SIRPB1: variants seen among roughly 807,000 people sequenced by gnomAD.
The protein encoded by SIRPB1 is signal regulatory protein beta 1, also known as signal-regulatory protein beta-1.
A neutral mutation model predicts 34.1 loss-of-function variants in SIRPB1; 28 were observed. The ratio of observed to expected loss-of-function variants is 0.82; its 90% CI spans 0.61 to 1.12. The LOEUF is 1.12. Ranked by LOEUF, SIRPB1 falls within the 50% of genes most tolerant of loss-of-function variation. The pLI is 0.00. For missense variants in SIRPB1, 499 were observed against 507.0 expected, an observed-to-expected ratio of 0.98 and a Z score of 0.15; for synonymous variants, 211 against 203.8, an observed-to-expected ratio of 1.04 and a Z score of -0.30.
At chr20:1,617,240 C>T (rs1469928014) in intron 1 of SIRPB1, among the ~76,000 whole-genome samples, 1 of 152,144 alleles carries the variant, frequency 6.6e-6, no homozygotes, top group Non-Finnish European at 1.5e-5. Context: ...ATCTGTGCTC[C>T]CATGTCCATT....
intron 1 of SIRPB1, among the ~76,000 whole-genome samples, chr20:1,618,176 G>A (rs548650008): frequency 7.9e-5 from 12 of 152,252 alleles, no homozygotes; most frequent in African/African-American, 2.9e-4. Flanking sequence ...GTGGCCCATA[G>A]AAAGCATCCA....
In SIRPB1 at chr20:1,583,930, G is replaced by A. The variant is rs541742227; in HGVS notation, c.77-5236C>T. Among the ~76,000 whole-genome samples, 10 of 47,754 alleles carry A rather than the reference G, an allele frequency of 2.1e-4. 5 individuals are homozygous for A. Among genetic ancestry groups the A allele is most frequent in the Non-Finnish European group, 4.0e-4 (10 of 25,042 alleles). The allele number at this position is 47,754 out of a possible 152,430, so 31.3% of individuals were successfully genotyped here. On this transcript the variant is annotated intron_variant, in intron 1 of 5. Coordinates refer to ENST00000381605, the MANE Select transcript of SIRPB1 (RefSeq NM_006065.5). ...CTGCTGTGTGTTTCCACATGGTCAAGTAAGATTTATCCCAGGAATTCAAGG... is the reference window on the plus strand; with the variant it reads ...CTGCTGTGTGTTTCCACATGGTCAAATAAGATTTATCCCAGGAATTCAAGG...
rs1332063392 is a variant in SIRPB1 at position 1,564,711 on chromosome 20, G to A, written c.*789C>T. On this transcript the variant is annotated 3_prime_UTR_variant, in exon 6 of 6. Coordinates refer to ENST00000381605, the MANE Select transcript of SIRPB1 (RefSeq NM_006065.5). ...ATCTGGTTGTTTAACTGTTGGCAGT[G>A]TGAAATTGGTCAGGTTGGGAGTTAT... 5.1e-6 allele frequency: 2 copies of A among 391,200 alleles called. No homozygotes were observed. The highest frequency in any genetic ancestry group is 4.1e-5 in the African/African-American group (2 of 48,482). The allele number at this position is 391,200 out of a possible 1,614,324, so 24.2% of individuals were successfully genotyped here. A position where few individuals can be genotyped will look rare whatever the true frequency, so the allele number is the denominator to read the frequency against.
chr20:1,577,862 C>T (rs6110507), intron 2 of SIRPB1, among the ~76,000 whole-genome samples: 78,704 of 146,126 alleles, frequency 0.54, 25,248 homozygotes, highest in East Asian at 0.78. Flanking sequence ...GGTGGGGGAG[C>T]GCTTTAGGCT....
chr20:1,571,065 C>T lies in SIRPB1; in HGVS notation c.824G>A (p.Ser275Asn). ...ENQANVTCQV[S>N]NFYPRGLQLT... ...CTGTAGTCCCCGGGGGTAGAAATTGCTCACCTGGCAGGTGACGTTTGCCTG... is the reference window on the plus strand; with the variant it reads ...CTGTAGTCCCCGGGGGTAGAAATTGTTCACCTGGCAGGTGACGTTTGCCTG... The change falls in exon 4 of 6, where the codon AGC (serine) becomes AAC (asparagine). Residue 275 changes from serine (S) to asparagine (N), a missense_variant. Transcript: ENST00000381605. The T allele has an allele frequency of 6.2e-7, 1 of 1,614,138 alleles. No individual in the cohort carries two copies. Among genetic ancestry groups the T allele is most frequent in the Non-Finnish European group, 8.5e-7 (1 of 1,179,984 alleles).
chr20:1,579,292 T>C (rs1168303788), intron 1 of SIRPB1, among the ~76,000 whole-genome samples: 1 of 148,384 alleles, frequency 6.7e-6, no homozygotes, highest in East Asian at 1.9e-4. Context: ...GTTGAGGACC[T>C]GAGTAGAACT....
intron 3 of SIRPB1, 45 bp from the exon 4 acceptor site, chr20:1,571,182 G>A (rs2091230364): frequency 4.5e-6 from 7 of 1,560,452 alleles, no homozygotes; most frequent in Non-Finnish European, 6.1e-6. Context: ...GGCACAGACA[G>A]ATCACAGGGA....
intron 1 of SIRPB1, among the ~76,000 whole-genome samples, chr20:1,615,072 C>G (rs1017213205): frequency 1.3e-5 from 2 of 152,198 alleles, no homozygotes; most frequent in Admixed American, 6.5e-5. Flanking sequence ...CATAATCCAG[C>G]ATCAGTAAGT....
At chr20:1,580,122 C>T (rs1652042059) in intron 1 of SIRPB1, among the ~76,000 whole-genome samples, 2 of 148,180 alleles carry the variant, frequency 1.3e-5, no homozygotes, top group Admixed American at 1.3e-4. Context: ...TGTTTTACAC[C>T]TTCCATGTCT....
rs537651175 is a variant in SIRPB1, at chr20:1,610,300, A to G, written c.76+9569T>C. ...AGGCTCTTCTATGGAGACAGCGTCTAACGCTGGGGAAGGAAGGAGACTGCC... is the reference window on the plus strand; with the variant it reads ...AGGCTCTTCTATGGAGACAGCGTCTGACGCTGGGGAAGGAAGGAGACTGCC... On this transcript the variant is annotated intron_variant, in intron 1 of 5. Transcript: ENST00000381605. Among the ~76,000 whole-genome samples, 124 of 72,660 alleles carry G rather than the reference A, an allele frequency of 1.7e-3. 54 individuals carry two copies. Among genetic ancestry groups the G allele is most frequent in the African/African-American group, 0.011 (122 of 11,522 alleles). The allele number at this position is 72,660 out of a possible 152,430, so 47.7% of individuals were successfully genotyped here. A position where few individuals can be genotyped will look rare whatever the true frequency, so the allele number is the denominator to read the frequency against.
Position 1,595,801 on chromosome 20 carries a change from TG to T in SIRPB1, c.77-17108del, listed in dbSNP as rs2091456627. On this transcript the variant is annotated intron_variant, in intron 1 of 5. Coordinates refer to ENST00000381605, the MANE Select transcript of SIRPB1 (RefSeq NM_006065.5). ...GAGGGCTTGTGGCTACAGAAGCCTT[TG>T]GGGGTGGAACCAAATCTCCTGGGTG... Among the ~76,000 whole-genome samples, 2 of 48,856 alleles carry T rather than the reference TG, an allele frequency of 4.1e-5. 1 individual carries two copies. The highest frequency in any genetic ancestry group is 7.9e-5 in the Non-Finnish European group (2 of 25,356). 32.1% of individuals were successfully genotyped at this position (48,856 alleles called of 152,430 possible).
chr20:1,579,401 C>T (rs549986341), intron 1 of SIRPB1, among the ~76,000 whole-genome samples: 1 of 148,052 alleles, frequency 6.8e-6, no homozygotes, highest in African/African-American at 2.4e-5. Context: ...TTGGGTGGGG[C>T]CCTGTGACTT....
At position 1,580,208 on chromosome 20, in the gene SIRPB1, G is replaced by T. The variant is rs555050595; in HGVS notation, c.77-1514C>A. On this transcript the variant is annotated intron_variant, in intron 1 of 5. Transcript: ENST00000381605. ...TTTTTTGCCTTTCCAAATTCTAGAG[G>T]TTTCTCCCATCCCTTTCTCACAGTT... Among the ~76,000 whole-genome samples the T allele has an allele frequency of 7.8e-3, 1,157 of 147,774 alleles. 36 individuals carry two copies. Among genetic ancestry groups the T allele is most frequent in the African/African-American group, 0.027 (1,102 of 40,490 alleles).
chr20:1,568,086 T>C (rs768071633), intron 4 of SIRPB1, among the ~76,000 whole-genome samples: 5 of 152,282 alleles, frequency 3.3e-5, no homozygotes, highest in Non-Finnish European at 5.9e-5. Context: ...CACTCAAAGA[T>C]TGTCAGTTGA....
chr20:1,562,047 A>C lies in SIRPB1; in HGVS notation c.*3453T>G, dbSNP rs1281602393. 6.6e-6 allele frequency among the ~76,000 whole-genome samples: 1 copy of C among 152,098 alleles called. No individual in the cohort carries two copies. The highest frequency in any genetic ancestry group is 1.5e-5 in the Non-Finnish European group (1 of 68,024). ...ATACTTTGGACTATAACTCATTACTACTTTACTTATTTTTTTGCTGAAAGT... is the reference window on the plus strand; with the variant it reads ...ATACTTTGGACTATAACTCATTACTCCTTTACTTATTTTTTTGCTGAAAGT... On this transcript the variant is annotated 3_prime_UTR_variant, in exon 6 of 6. Coordinates refer to ENST00000381605, the MANE Select transcript of SIRPB1 (RefSeq NM_006065.5).
Position 1,604,855 on chromosome 20 carries a change from T to TCGC in SIRPB1, c.76+15013_76+15014insGCG. On this transcript the variant is annotated intron_variant, in intron 1 of 5. Transcript: ENST00000381605. ...AACGTCCTCGCGGGTCAGCACCACC[T>TCGC]TGGCTGTGCTGTGGATGCTGTAGGA... 4.9e-6 allele frequency: 3 copies of TCGC among 613,156 alleles called. 1 individual carries two copies. The highest frequency in any genetic ancestry group is 6.5e-6 in the Non-Finnish European group (3 of 458,578). 38.0% of individuals were successfully genotyped at this position (613,156 alleles called of 1,614,324 possible).
At chr20:1,566,863 C>A (rs1432158171) in intron 4 of SIRPB1, among the ~76,000 whole-genome samples, 1 of 152,088 alleles carries the variant, frequency 6.6e-6, no homozygotes, top group African/African-American at 2.4e-5. Flanking sequence ...CCTCCAGGGA[C>A]AAGACCCAAT....
chr20:1,604,631 G>T, intron 1 of SIRPB1: 1 of 240,762 alleles, frequency 4.2e-6, no homozygotes, highest in Admixed American at 5.3e-5. Flanking sequence ...TAGGAATTTA[G>T]GTTCCAGGCA....
At chr20:1,617,707 T>C (rs2091650162) in intron 1 of SIRPB1, among the ~76,000 whole-genome samples, 1 of 152,192 alleles carries the variant, frequency 6.6e-6, no homozygotes, top group Non-Finnish European at 1.5e-5. Flanking sequence ...AAATGATACA[T>C]ATACAAGGTA....
Sources: allele counts gnomAD v4.1 joint callset (sites outside exome capture counted in the v4.1 genomes callset), GRCh38; gene constraint gnomAD v4.1.1; transcripts MANE v1.5; gene names NCBI Gene and HGNC (gene_info 2026-07-23, HGNC 2026-07-21).